Variants in BRD9 observed in about 807,000 individuals in gnomAD.
BRD9 encodes the protein bromodomain containing 9, also known as bromodomain-containing protein 9.
In BRD9, 47 loss-of-function variants were observed where a neutral mutation model predicts 68.7. That is an observed-to-expected ratio of 0.68 (90% CI 0.54 to 0.87). The LOEUF is 0.87. Among genes scored for constraint, BRD9 ranks in the 40% least tolerant of loss-of-function variants. The probability of loss-of-function intolerance (pLI) is 0.00; values close to 1 mark genes in which losing one functional copy is unlikely to be tolerated. For synonymous variants in BRD9, 313 were observed against 293.9 expected, an observed-to-expected ratio of 1.06 and a Z score of -0.67; for missense variants, 670 against 748.4, an observed-to-expected ratio of 0.90 and a Z score of 1.22.
At chr5:886,116 G>A (rs1752517742) in intron 7 of BRD9, among the ~76,000 whole-genome samples, 1 of 152,106 alleles carries the variant, frequency 6.6e-6, no homozygotes, top group Non-Finnish European at 1.5e-5. Context: ...CCACAGGCCT[G>A]CACCTGCTCC....
At chr5:871,447 C>G (rs1482869589) in intron 13 of BRD9, 79 bp downstream of exon 13, 15 of 1,308,412 alleles carry the variant, frequency 1.1e-5, no homozygotes, top group Non-Finnish European at 1.7e-5. Flanking sequence ...TACACACAGA[C>G]CTCCCCACCT....
chr5:867,964 T>G (rs1255884252), intron 14 of BRD9, among the ~76,000 whole-genome samples: 1 of 152,214 alleles, frequency 6.6e-6, no homozygotes, highest in Non-Finnish European at 1.5e-5. Context: ...TGATACAGTT[T>G]GGCTCTGTAT....
intron 12 of BRD9, among the ~76,000 whole-genome samples, chr5:875,331 T>C (rs1579937942): frequency 6.6e-6 from 1 of 150,904 alleles, no homozygotes; most frequent in Non-Finnish European, 1.5e-5. Flanking sequence ...GAAACAAAGA[T>C]GACAATGACT....
chr5:865,671 C>T (rs1475246146), intron 14 of BRD9, 90 bp from the exon 15 acceptor site: 5 of 1,379,400 alleles, frequency 3.6e-6, no homozygotes, highest in Non-Finnish European at 3.9e-6. Flanking sequence ...CCAGACAGGC[C>T]TCTCTGCTCA....
chr5:878,602 C>G (rs1244842957), intron 10 of BRD9, 115 bp from the exon 11 acceptor site: 1 of 1,436,192 alleles, frequency 7.0e-7, no homozygotes, highest in African/African-American at 1.4e-5. Flanking sequence ...GCACCCCAGT[C>G]TCACCTCTCT....
chr5:892,714 A>ACC lies in BRD9; in HGVS notation c.-59_-58dup. On this transcript the variant is annotated 5_prime_UTR_variant, in exon 1 of 16. Coordinates refer to ENST00000467963, the MANE Select transcript of BRD9 (RefSeq NM_023924.5). ...CTGGGAACAGCTGGCACCCGGTCGG[A>ACC]CCTTGGCCGCCACCGCCCCCTGGCC... 2 of 1,299,064 alleles carry ACC rather than the reference A, an allele frequency of 1.5e-6. No homozygotes were observed. Among genetic ancestry groups the ACC allele is most frequent in the Non-Finnish European group, 2.0e-6 (2 of 1,019,916 alleles). The allele number at this position is 1,299,064 out of a possible 1,614,324, so 80.5% of individuals were successfully genotyped here.
Position 864,557 on chromosome 5 carries a change from G to T in BRD9, c.1705C>A (p.Arg569Ser), listed in dbSNP as rs758871899. Reference protein sequence around the residue: ...RDQHHLGSPSRLSVGEQPDVT... With the variant: ...RDQHHLGSPSSLSVGEQPDVT... ...TCTGGCTGCTCCCCGACACTCAGGC[G>T]AGAAGGGCTTCCTGCAATTTTCAGA... Residue 569 changes from arginine to serine, a missense_variant, in exon 16 of 16, where the codon CGC becomes AGC. Physicochemically the swap from Arg to Ser is moderately radical, Grantham distance 110 (BLOSUM62 -1). Coordinates refer to ENST00000467963, the MANE Select transcript of BRD9 (RefSeq NM_023924.5). 4 of 1,613,602 alleles carry T rather than the reference G, an allele frequency of 2.5e-6. No individual in the cohort carries two copies. The African/African-American group carries it at 5.3e-5, about 22-fold the overall frequency.
At chr5:883,878 G>T (rs776797237) in intron 8 of BRD9, 60 bp downstream of exon 8, 4 of 1,578,728 alleles carry the variant, frequency 2.5e-6, no homozygotes, top group Non-Finnish European at 2.6e-6. Flanking sequence ...CCCAGAAGGA[G>T]AGGCACACAG....
intron 12 of BRD9, 22 bp downstream of exon 12, chr5:876,079 C>G: frequency 1.9e-6 from 3 of 1,570,942 alleles, no homozygotes; most frequent in Non-Finnish European, 2.6e-6. Flanking sequence ...TGCCCCCCAA[C>G]CCCGGTGCGA....
Position 887,394 on chromosome 5 carries a change from C to T in BRD9, c.684G>A (p.Lys228=). 6.2e-7 allele frequency: 1 copy of T among 1,614,010 alleles called. No homozygotes were observed. The change falls in exon 6 of 16, where the codon AAG becomes AAA. Residue 228 remains lysine (K), a synonymous_variant. Transcript: ENST00000467963. ...TCATCTTAAAGCCTGCGTGAAGGAT[C>T]TTCTTCGCCAACTTGTAGTACACGG... The part of the protein sequence containing the change: ...PDTVYYKLAK[K]ILHAGFKMMS...
intron 7 of BRD9, among the ~76,000 whole-genome samples, chr5:885,553 C>A (rs561889925): frequency 3.9e-5 from 6 of 152,368 alleles, no homozygotes; most frequent in Admixed American, 6.5e-5. Context: ...TGACTTCCCA[C>A]AAGATGGCAC....
At position 864,369 on chromosome 5, in the gene BRD9, A is replaced by T; in HGVS notation, c.*99T>A. The T allele has an allele frequency of 9.7e-7, 1 of 1,032,244 alleles. No individual in the cohort carries two copies. Among genetic ancestry groups the T allele is most frequent in the Non-Finnish European group, 1.4e-6 (1 of 719,696 alleles). 63.9% of individuals were successfully genotyped at this position (1,032,244 alleles called of 1,614,324 possible). ...TCCCCGCGGCTGCTTCCCGCATGCC[A>T]AAGGGGACAGGATCAAAGTCCTTGT... On this transcript the variant is annotated 3_prime_UTR_variant, in exon 16 of 16. Coordinates refer to ENST00000467963, the MANE Select transcript of BRD9 (RefSeq NM_023924.5).
intron 9 of BRD9, among the ~76,000 whole-genome samples, chr5:880,549 G>A (rs1751582880): frequency 6.6e-6 from 1 of 152,140 alleles, no homozygotes; most frequent in Admixed American, 6.5e-5. Flanking sequence ...GTGCCAGGCT[G>A]CACGTTCCTC....
intron 11 of BRD9, among the ~76,000 whole-genome samples, chr5:876,798 G>A (rs1417080536): frequency 6.6e-6 from 1 of 152,238 alleles, no homozygotes; most frequent in Non-Finnish European, 1.5e-5. Flanking sequence ...TTCACAGAGA[G>A]GAACAAGGAT....
intron 1 of BRD9, 89 bp downstream of exon 1, chr5:892,517 G>C: frequency 2.7e-6 from 4 of 1,492,140 alleles, no homozygotes; most frequent in Non-Finnish European, 1.8e-6. Flanking sequence ...ACCTCGCCCG[G>C]TGCCCAGGAC....
In BRD9 at chr5:887,307, C is replaced by CG. The variant is rs985525155; in HGVS notation, c.717+53dup. On this transcript the variant is annotated intron_variant, in intron 6 of 15. Transcript: ENST00000467963. ...TGAGGCTCCCTTCGGGCACAAGCGA[C>CG]GGGGGGCAGAGCCCCTGCTTTCCGT... 12 of 1,460,226 alleles carry CG rather than the reference C, an allele frequency of 8.2e-6. No individual in the cohort carries two copies. In the African/African-American group the frequency reaches 9.8e-5, roughly 12 times the overall value. The allele number at this position is 1,460,226 out of a possible 1,614,324, so 90.5% of individuals were successfully genotyped here.
intron 7 of BRD9, among the ~76,000 whole-genome samples, chr5:885,306 C>A (rs538883419): frequency 8.3e-4 from 126 of 152,356 alleles, no homozygotes; most frequent in Non-Finnish European, 1.5e-3. Context: ...GGCCACGCAG[C>A]GCACCCTGTC....
chr5:881,484 A>T (rs1008826327), intron 8 of BRD9: 2 of 453,514 alleles, frequency 4.4e-6, no homozygotes, highest in South Asian at 2.3e-5. Flanking sequence ...ACAAAATGGA[A>T]CGGTCAGCAG....
At chr5:866,592 CAGAT>C (rs1177023965) in intron 14 of BRD9, 2 of 152,746 alleles carry the variant, frequency 1.3e-5, no homozygotes, top group Admixed American at 6.5e-5. Flanking sequence ...GAGGTGGTCT[CAGAT>C]GGAGACGAGG....
Sources: allele counts gnomAD v4.1 joint callset (sites outside exome capture counted in the v4.1 genomes callset), GRCh38; gene constraint gnomAD v4.1.1; transcripts MANE v1.5; gene names NCBI Gene and HGNC (gene_info 2026-07-23, HGNC 2026-07-21).